Variants in IL1RAPL1 observed in about 807,000 individuals in gnomAD.
IL1RAPL1 encodes the protein interleukin-1 receptor accessory protein-like 1.
A neutral mutation model predicts 48.4 loss-of-function variants in IL1RAPL1; 3 were observed. The ratio of observed to expected loss-of-function variants is 0.06; its 90% CI spans 0.03 to 0.16. The LOEUF is 0.16. Ranked by LOEUF, IL1RAPL1 falls within the 10% of genes least tolerant of loss-of-function variation. The probability of loss-of-function intolerance (pLI) is 1.00; values close to 1 mark genes in which losing one functional copy is unlikely to be tolerated. For synonymous variants in IL1RAPL1, 185 were observed against 187.7 expected (o/e 0.99, Z 0.12); for missense variants, 349 against 530.6 (o/e 0.66, Z 3.36).
chrX:28,701,057 G>A (rs1320127572), intron 1 of IL1RAPL1, among the ~76,000 whole-genome samples: 1 of 111,366 alleles, frequency 9.0e-6, no homozygotes, highest in Non-Finnish European at 1.9e-5. Flanking sequence ...ATAATCCTTT[G>A]GGTATATACC....
At chrX:29,510,878 G>A (rs1363899367) in intron 5 of IL1RAPL1, among the ~76,000 whole-genome samples, 7 of 111,738 alleles carry the variant, frequency 6.3e-5, no homozygotes, top group Non-Finnish European at 1.3e-4. Context: ...GAATACTGTC[G>A]ATCTAGAAGC....
At chrX:29,610,396 G>A (rs758206693) in intron 5 of IL1RAPL1, among the ~76,000 whole-genome samples, 7 of 111,561 alleles carry the variant, frequency 6.3e-5, no homozygotes, top group South Asian at 7.5e-4. Context: ...TATATTTCCC[G>A]TAGACAGCAT....
At chrX:29,120,333 G>T (rs946694230) in intron 2 of IL1RAPL1, among the ~76,000 whole-genome samples, 5 of 111,540 alleles carry the variant, frequency 4.5e-5, no homozygotes, top group African/African-American at 9.8e-5. Flanking sequence ...GAAAGACAGG[G>T]GTTCAGTTTC....
intron 2 of IL1RAPL1, among the ~76,000 whole-genome samples, chrX:28,830,939 A>C (rs1239011170): frequency 9.6e-6 from 1 of 104,392 alleles, no homozygotes; most frequent in Non-Finnish European, 1.9e-5. Flanking sequence ...GTAATGATTG[A>C]GAATTTTTAA....
chrX:28,909,298 C>A (rs1228910859), intron 2 of IL1RAPL1, among the ~76,000 whole-genome samples: 1 of 111,499 alleles, frequency 9.0e-6, no homozygotes, highest in Non-Finnish European at 1.9e-5. Flanking sequence ...TTATTCCTTG[C>A]AACATAAATT....
At chrX:29,705,332 A>G (rs1927163902) in intron 6 of IL1RAPL1, among the ~76,000 whole-genome samples, 1 of 111,198 alleles carries the variant, frequency 9.0e-6, no homozygotes, top group African/African-American at 3.3e-5. Flanking sequence ...CTCGTTCCTC[A>G]GCCTCCCAAG....
At chrX:28,741,693 A>G (rs1463192869) in intron 1 of IL1RAPL1, among the ~76,000 whole-genome samples, 2 of 111,453 alleles carry the variant, frequency 1.8e-5, no homozygotes, top group Non-Finnish European at 3.8e-5. Flanking sequence ...GCACAATCAA[A>G]TCTAATCTCA....
intron 3 of IL1RAPL1, among the ~76,000 whole-genome samples, chrX:29,315,740 T>C (rs1932768025): frequency 9.0e-6 from 1 of 111,502 alleles, no homozygotes; most frequent in South Asian, 3.7e-4. Context: ...ATTAGGACAG[T>C]GAGTTTTCAG....
At chrX:29,256,169 A>G (rs1486990755) in intron 2 of IL1RAPL1, among the ~76,000 whole-genome samples, 1 of 111,520 alleles carries the variant, frequency 9.0e-6, no homozygotes, top group South Asian at 3.7e-4. Context: ...GTGAGATGGT[A>G]TCTTGTTGTG....
intron 6 of IL1RAPL1, among the ~76,000 whole-genome samples, chrX:29,718,603 TAAAAA>T (rs11438049): frequency 1.2e-5 from 1 of 80,373 alleles, no homozygotes; most frequent in East Asian, 3.9e-4. Context: ...GCTAAAGTAT[TAAAAA>T]AAAAAAAAAA....
At chrX:29,712,076 A>G (rs1927366928) in intron 6 of IL1RAPL1, among the ~76,000 whole-genome samples, 1 of 99,884 alleles carries the variant, frequency 1.0e-5, no homozygotes, top group Admixed American at 1.2e-4. Context: ...GGAGAAAAAA[A>G]TGATTCCAAA....
At chrX:28,816,188 G>A (rs1936869721) in intron 2 of IL1RAPL1, among the ~76,000 whole-genome samples, 1 of 108,410 alleles carries the variant, frequency 9.2e-6, no homozygotes, top group Admixed American at 1.0e-4. Flanking sequence ...CTGTCTTCTG[G>A]ACAAAAGCTA....
chrX:28,815,849 A>G (rs1191590292), intron 2 of IL1RAPL1, among the ~76,000 whole-genome samples: 3,619 of 55,944 alleles, frequency 0.065, 224 homozygotes, highest in African/African-American at 0.18. Context: ...GTATATATAT[A>G]TATATATATA....
intron 2 of IL1RAPL1, among the ~76,000 whole-genome samples, chrX:29,176,699 A>G (rs1267497271): frequency 9.0e-6 from 1 of 110,877 alleles, no homozygotes; most frequent in Admixed American, 9.7e-5. Context: ...ACAATACGAT[A>G]CAATTCTGTT....
At chrX:28,955,445 A>G (rs935419401) in intron 2 of IL1RAPL1, among the ~76,000 whole-genome samples, 6 of 111,279 alleles carry the variant, frequency 5.4e-5, no homozygotes, top group African/African-American at 1.6e-4. Context: ...ATTAAAAATT[A>G]CTAATCTTGT....
intron 6 of IL1RAPL1, among the ~76,000 whole-genome samples, chrX:29,908,298 A>C (rs1932685154): frequency 9.1e-6 from 1 of 109,416 alleles, no homozygotes; most frequent in African/African-American, 3.3e-5. Context: ...AATCACAGCT[A>C]CTCAGGAGAG....
At chrX:29,574,682 A>G (rs1262235526) in intron 5 of IL1RAPL1, among the ~76,000 whole-genome samples, 2 of 111,816 alleles carry the variant, frequency 1.8e-5, no homozygotes, top group Non-Finnish European at 3.8e-5. Context: ...CTTTTCTACC[A>G]CATGATCAGG....
At chrX:29,728,383 A>C (rs1601797980) in intron 6 of IL1RAPL1, among the ~76,000 whole-genome samples, 1 of 111,979 alleles carries the variant, frequency 8.9e-6, no homozygotes, top group Admixed American at 9.5e-5. Flanking sequence ...GATTATCTTT[A>C]TCTCTCTCAA....
chrX:29,089,455 T>TA (rs1268178390), intron 2 of IL1RAPL1, among the ~76,000 whole-genome samples: 2 of 109,658 alleles, frequency 1.8e-5, no homozygotes, highest in Admixed American at 2.0e-4. Flanking sequence ...GTGTTAACTG[T>TA]AGTCATCATG....
Sources: allele counts gnomAD v4.1 joint callset (sites outside exome capture counted in the v4.1 genomes callset), GRCh38; gene constraint gnomAD v4.1.1; transcripts MANE v1.5; gene names NCBI Gene and HGNC (gene_info 2026-07-23, HGNC 2026-07-21).